Variants in NUP98 observed in about 807,000 individuals in gnomAD.
The protein encoded by NUP98 is nucleoporin 98 and 96 precursor.
A neutral mutation model predicts 191.9 loss-of-function variants in NUP98; 26 were observed. That is an observed-to-expected ratio of 0.14 (90% CI 0.10 to 0.19). The LOEUF is 0.19. Ranked by LOEUF, NUP98 falls within the 10% of genes least tolerant of loss-of-function variation. The probability of loss-of-function intolerance (pLI) is 1.00; values close to 1 mark genes in which losing one functional copy is unlikely to be tolerated. For synonymous variants in NUP98, 808 were observed against 778.4 expected (o/e 1.04, Z -0.63); for missense variants, 1,941 against 2,178.8 (o/e 0.89, Z 2.17).
chr11:3,703,003 A>T (rs2078756912), intron 22 of NUP98, 111 bp from the exon 23 acceptor site: 1 of 895,364 alleles, frequency 1.1e-6, no homozygotes. Flanking sequence ...GTTTAATCAA[A>T]CTACTTATAT....
At chr11:3,783,034 C>A (rs960965500) in intron 1 of NUP98, among the ~76,000 whole-genome samples, 27 of 152,152 alleles carry the variant, frequency 1.8e-4, no homozygotes, top group Admixed American at 3.3e-4. Context: ...TAAGACTATT[C>A]TCTATGGTCC....
chr11:3,684,802 T>C (rs2078090864), intron 29 of NUP98, among the ~76,000 whole-genome samples: 1 of 133,300 alleles, frequency 7.5e-6, no homozygotes. Context: ...AAAAAAAGGC[T>C]TAGGCTTAGA....
chr11:3,676,536 T>C lies in NUP98; in HGVS notation c.5158A>G (p.Ser1720Gly). Residue 1720 changes from serine to glycine, a missense_variant, in exon 32 of 33, where the codon AGT becomes GGT. Transcript: ENST00000324932. ...GACTGAGCCAGGCGATCTTTAGCAC[T>C]GTAACACTGAATCTGCTCTATCCGA... The part of the protein sequence containing the change: ...CSRIEQIQCY[S>G]AKDRLAQSDM... 3 of 1,614,172 alleles carry C rather than the reference T, an allele frequency of 1.9e-6. No homozygotes were observed. The highest frequency in any genetic ancestry group is 4.5e-5 in the East Asian group (2 of 44,884).
At chr11:3,745,359 C>G (rs896553769) in intron 11 of NUP98, among the ~76,000 whole-genome samples, 2 of 152,144 alleles carry the variant, frequency 1.3e-5, no homozygotes, top group East Asian at 1.9e-4. Context: ...AGCTCAACGT[C>G]TTCTGGTGAG....
At position 3,768,229 on chromosome 11, in the gene NUP98, G is replaced by A. The variant is rs571640272; in HGVS notation, c.948+352C>T. ...GAGGTCAGGAGATCGAGACCATCCT[G>A]GCAAACACGGTGAAACCCCATCTGT... On this transcript the variant is annotated intron_variant, in intron 8 of 32. Coordinates refer to ENST00000324932, the MANE Select transcript of NUP98 (RefSeq NM_016320.5). Among the ~76,000 whole-genome samples the A allele has an allele frequency of 2.0e-5, 3 of 152,084 alleles. No homozygotes were observed. In the South Asian group the frequency reaches 6.2e-4, roughly 32 times the overall value.
chr11:3,722,447 T>C (rs975744404), intron 16 of NUP98, among the ~76,000 whole-genome samples: 2 of 150,416 alleles, frequency 1.3e-5, no homozygotes, highest in Admixed American at 6.6e-5. Context: ...TTCCTTATGA[T>C]ACTAAGTAAC....
chr11:3,718,560 G>C (rs1051228100), intron 18 of NUP98, among the ~76,000 whole-genome samples: 5 of 151,716 alleles, frequency 3.3e-5, no homozygotes, highest in Non-Finnish European at 7.4e-5. Flanking sequence ...AGAAAAGAAA[G>C]AAAGAAGAGA....
intron 19 of NUP98, among the ~76,000 whole-genome samples, 193 bp from the exon 20 acceptor site, chr11:3,712,921 C>A (rs2079063793): frequency 6.6e-6 from 1 of 152,174 alleles, no homozygotes; most frequent in Admixed American, 6.5e-5. Flanking sequence ...GCTCTAGTTG[C>A]TCATACTAGT....
At chr11:3,719,374 T>A in intron 18 of NUP98, 38 bp downstream of exon 18, 1 of 1,552,288 alleles carries the variant, frequency 6.4e-7, no homozygotes, top group Non-Finnish European at 8.7e-7. Context: ...AAAATTGTGA[T>A]TTAGCTGATA....
chr11:3,782,227 A>G (rs1037954880), intron 1 of NUP98, 82 bp from the exon 2 acceptor site: 1 of 726,230 alleles, frequency 1.4e-6, no homozygotes, highest in African/African-American at 1.8e-5. Flanking sequence ...CATTCCACAA[A>G]CTTAGGCCTA....
chr11:3,724,155 G>T (rs929048729), intron 15 of NUP98, among the ~76,000 whole-genome samples: 1 of 151,918 alleles, frequency 6.6e-6, no homozygotes. Context: ...ATTTCGGCTG[G>T]GTGTGGTGGA....
chr11:3,757,676 G>A (rs2081020013), intron 10 of NUP98, among the ~76,000 whole-genome samples: 1 of 151,804 alleles, frequency 6.6e-6, no homozygotes, highest in Admixed American at 6.6e-5. Flanking sequence ...GTGCATGCCT[G>A]TAATCCCAGC....
At chr11:3,701,005 C>A (rs2078659524) in intron 23 of NUP98, among the ~76,000 whole-genome samples, 166 bp from the exon 24 acceptor site, 3 of 152,070 alleles carry the variant, frequency 2.0e-5, no homozygotes, top group African/African-American at 7.2e-5. Context: ...AACTTATCTG[C>A]TATATACTGG....
At chr11:3,718,893 G>A (rs1400980066) in intron 18 of NUP98, among the ~76,000 whole-genome samples, 1 of 152,060 alleles carries the variant, frequency 6.6e-6, no homozygotes, top group Non-Finnish European at 1.5e-5. Flanking sequence ...GCTGAGGTGG[G>A]AGGATCACTT....
intron 20 of NUP98, chr11:3,712,329 G>C (rs948048996): frequency 1.5e-6 from 2 of 1,314,382 alleles, no homozygotes; most frequent in Non-Finnish European, 1.9e-6. Flanking sequence ...GTTTAAAAAT[G>C]ACAATCTGTA....
chr11:3,691,617 A>T lies in NUP98; in HGVS notation c.4312-128T>A, dbSNP rs2078313291. The T allele has an allele frequency of 1.1e-5, 9 of 855,552 alleles. No homozygotes were observed. In the South Asian group the frequency reaches 1.6e-4, roughly 15 times the overall value. 53.0% of individuals were successfully genotyped at this position (855,552 alleles called of 1,614,324 possible). A position where few individuals can be genotyped will look rare whatever the true frequency, so the allele number is the denominator to read the frequency against. On this transcript the variant is annotated intron_variant, in intron 27 of 32. Coordinates refer to ENST00000324932, the MANE Select transcript of NUP98 (RefSeq NM_016320.5). ...CACCCAGGCTGGAGTGCAGTGGGACAATCTCGGCTCACTGCAACCTCCGCT... is the reference window on the plus strand; with the variant it reads ...CACCCAGGCTGGAGTGCAGTGGGACTATCTCGGCTCACTGCAACCTCCGCT...
chr11:3,757,909 G>A (rs752009790), intron 10 of NUP98, among the ~76,000 whole-genome samples: 3 of 152,150 alleles, frequency 2.0e-5, no homozygotes, highest in Non-Finnish European at 4.4e-5. Flanking sequence ...TGGTTCTTGA[G>A]GGACTAAAAT....
chr11:3,764,444 A>G (rs1230769877), intron 8 of NUP98, among the ~76,000 whole-genome samples: 1 of 152,238 alleles, frequency 6.6e-6, no homozygotes, highest in Non-Finnish European at 1.5e-5. Context: ...TTTCTTCGGT[A>G]AATCCCAAGA....
intron 20 of NUP98, among the ~76,000 whole-genome samples, chr11:3,707,632 C>T (rs2078897449): frequency 6.7e-6 from 1 of 148,556 alleles, no homozygotes; most frequent in African/African-American, 2.5e-5. Flanking sequence ...CCTGGGATTA[C>T]AGGCACATGC....
Sources: gnomAD v4.1 joint callset for allele counts (sites outside exome capture counted in the v4.1 genomes callset) on GRCh38, gnomAD v4.1.1 for gene constraint, MANE v1.5 for transcripts, NCBI Gene and HGNC (gene_info 2026-07-23, HGNC 2026-07-21) for gene names.